Variants in HTT observed in about 807,000 individuals in gnomAD.
The protein encoded by HTT is huntington disease protein.
Under a neutral mutation model 362.3 loss-of-function variants are expected in HTT, and 104 were observed. The observed-to-expected ratio is 0.29, with a 90% CI of 0.24 to 0.34. The LOEUF (loss-of-function observed/expected upper bound fraction) is 0.34. HTT is among the 10% of genes least tolerant of loss of function. The pLI is 1.00. For synonymous variants in HTT, 1,577 were observed against 1,548.7 expected (o/e 1.02, Z -0.43); for missense variants, 3,301 against 3,928.6 (o/e 0.84, Z 4.27).
intron 12 of HTT, chr4:3,128,875 C>T (rs191594367): frequency 6.6e-6 from 1 of 152,216 alleles, no homozygotes; most frequent in Non-Finnish European, 1.5e-5. Context: ...TACCACCCAT[C>T]TCTGTAACCT....
intron 36 of HTT, among the ~76,000 whole-genome samples, chr4:3,181,196 A>G (rs1718509813): frequency 6.6e-6 from 1 of 152,074 alleles, no homozygotes; most frequent in Non-Finnish European, 1.5e-5. Flanking sequence ...GTTTATCTTT[A>G]AAGTGGGCAC....
At chr4:3,190,356 A>C (rs1379130978) in intron 40 of HTT, among the ~76,000 whole-genome samples, 1 of 101,202 alleles carries the variant, frequency 9.9e-6, no homozygotes, top group Admixed American at 8.7e-5. Flanking sequence ...AAAAAAATCC[A>C]AAAAAAAAAA....
At chr4:3,167,320 C>G (rs1023364162) in intron 29 of HTT, among the ~76,000 whole-genome samples, 3 of 152,190 alleles carry the variant, frequency 2.0e-5, no homozygotes, top group African/African-American at 7.2e-5. Context: ...ATCCACCCAC[C>G]TCAGCCTCCT....
intron 28 of HTT, among the ~76,000 whole-genome samples, chr4:3,159,935 G>A (rs1304370246): frequency 6.6e-6 from 1 of 152,136 alleles, no homozygotes; most frequent in African/African-American, 2.4e-5. Context: ...ATAGGACTTA[G>A]TATTTTCTAT....
In HTT at chr4:3,179,256, G is replaced by C. The variant is rs149112441; in HGVS notation, c.4612+810G>C. 1.7e-3 allele frequency among the ~76,000 whole-genome samples: 255 copies of C among 152,318 alleles called. 2 individuals are homozygous for C. The highest frequency in any genetic ancestry group is 3.0e-3 in the Admixed American group (46 of 15,304). ...TGTTTACATAGCTAAGCCAGTTAGT[G>C]TTTGCCACGGCCTCACAAGGGCTTC... is the stretch of plus-strand genomic sequence containing the variant. On this transcript the variant is annotated intron_variant, in intron 35 of 66. Transcript: ENST00000355072.
In HTT at chr4:3,074,758, C is replaced by G. The variant is rs1373709631; in HGVS notation, c.-68C>G. 9 of 1,469,992 alleles carry G rather than the reference C, an allele frequency of 6.1e-6. No individual in the cohort carries two copies. Among genetic ancestry groups the G allele is most frequent in the African/African-American group, 1.5e-5 (1 of 68,478 alleles). The allele number at this position is 1,469,992 out of a possible 1,614,324, so 91.1% of individuals were successfully genotyped here. On this transcript the variant is annotated 5_prime_UTR_variant, in exon 1 of 67. Coordinates refer to ENST00000355072, the MANE Select transcript of HTT (RefSeq NM_001388492.1). ...CGGCCCAGAGCCCCATTCATTGCCC[C>G]GGTGCTGAGCGGCGCCGCGAGTCGG...
intron 26 of HTT, among the ~76,000 whole-genome samples, chr4:3,149,357 G>T (rs1001611167): frequency 1.8e-4 from 27 of 148,454 alleles, no homozygotes; most frequent in Non-Finnish European, 3.6e-4. Flanking sequence ...GAGTGCAATG[G>T]TGTGATCTCA....
rs1352962138 is a variant in HTT, at chr4:3,218,385, C to T, written c.7242+433C>T. Reference sequence around the variant, plus strand: ...CAGTAGCTCATGCCTGTAATCCCAGCACTTTGGGAAGCCAAGGTGGGCGGA... The same window carrying T: ...CAGTAGCTCATGCCTGTAATCCCAGTACTTTGGGAAGCCAAGGTGGGCGGA... On this transcript the variant is annotated intron_variant, in intron 52 of 66. Coordinates refer to ENST00000355072, the MANE Select transcript of HTT (RefSeq NM_001388492.1). The surrounding 1 kb of genome is among the most constrained non-coding windows in gnomAD (Gnocchi z 4.4). Among the ~76,000 whole-genome samples the T allele has an allele frequency of 6.6e-6, 1 of 152,206 alleles. No individual in the cohort carries two copies. The highest frequency in any genetic ancestry group is 1.5e-5 in the Non-Finnish European group (1 of 68,040).
In HTT at chr4:3,213,990, C is replaced by A. The variant is rs1361495123; in HGVS notation, c.6807C>A (p.Ile2269=). 2.5e-6 allele frequency: 4 copies of A among 1,595,064 alleles called. No homozygotes were observed. Among genetic ancestry groups the A allele is most frequent in the Non-Finnish European group, 3.4e-6 (4 of 1,168,640 alleles). The part of the protein sequence containing the change: ...ALSWHLIHEQ[I]PLSLDLQAGL... ...CCTGGCATTTGATCCATGAGCAGAT[C>A]CCGCTGAGTCTGGATCTCCAGGCAG... The change falls in exon 50 of 67, where the codon ATC becomes ATA. Residue 2269 remains isoleucine (I), a synonymous_variant. Coordinates refer to ENST00000355072, the MANE Select transcript of HTT (RefSeq NM_001388492.1).
In HTT at chr4:3,142,767, A is replaced by T; in HGVS notation, c.2947A>T (p.Ile983Leu). Reference sequence around the variant, plus strand: ...AAGTCTCTATATTTTTGTTATTAGAATATATAGAGGCTATAACCTACTACC... The same window carrying T: ...AAGTCTCTATATTTTTGTTATTAGATTATATAGAGGCTATAACCTACTACC... ...SHFSVSTITR[I>L]YRGYNLLPSI... Residue 983 changes from isoleucine to leucine, a missense_variant and splice_region_variant, in exon 23 of 67, where the codon ATA (isoleucine) becomes TTA (leucine). Transcript: ENST00000355072. 1 of 1,465,464 alleles carries T rather than the reference A, an allele frequency of 6.8e-7. No individual in the cohort carries two copies. 90.8% of individuals were successfully genotyped at this position (1,465,464 alleles called of 1,614,324 possible).
At chr4:3,210,995 T>C (rs1390725462) in intron 47 of HTT, among the ~76,000 whole-genome samples, 1 of 145,612 alleles carries the variant, frequency 6.9e-6, no homozygotes, top group Non-Finnish European at 1.5e-5. Context: ...CTCCGCCTCC[T>C]GGGTTCATAC....
At chr4:3,112,966 A>T in intron 6 of HTT, 1 of 832,562 alleles carries the variant, frequency 1.2e-6, no homozygotes, top group Non-Finnish European at 1.4e-6. Context: ...GAATCACATT[A>T]TGATTTTAAT....
At chr4:3,188,678 G>A (rs1046814469) in intron 39 of HTT, 1 of 270,364 alleles carries the variant, frequency 3.7e-6, no homozygotes, top group Non-Finnish European at 6.9e-6. Flanking sequence ...AAATTCCTGT[G>A]ACAGATGATC....
chr4:3,134,481 C>G lies in HTT; in HGVS notation c.2574C>G (p.Asn858Lys). 1 of 1,614,030 alleles carries G rather than the reference C, an allele frequency of 6.2e-7. No individual in the cohort carries two copies. The change falls in exon 19 of 67, where the codon AAC (asparagine) becomes AAG (lysine). Residue 858 changes from asparagine (N) to lysine (K), a missense_variant. This residue lies in a region of HTT where 2,316 missense variants were observed against 2,658.5 expected (regional missense o/e 0.87). Transcript: ENST00000355072. ...TCATCGATGTGCTGACTCTGAGGAA[C>G]AGTTCCTATTGGCTGGTGAGGACAG... ...QLIIDVLTLR[N>K]SSYWLVRTEL...
intron 2 of HTT, among the ~76,000 whole-genome samples, chr4:3,094,743 G>T (rs1043690510): frequency 1.3e-5 from 2 of 150,774 alleles, no homozygotes; most frequent in African/African-American, 4.9e-5. Context: ...AGCGGCTGCC[G>T]GGCGGAGGGG....
rs375304131 is a variant in HTT, at chr4:3,131,411, G to A, written c.2098+14G>A. Reference sequence around the variant, plus strand: ...GGGGAAAAAATGGTGAGTACAAAAGGGGATGTGCACAGTTGAAGGAAATAA... The same window carrying A: ...GGGGAAAAAATGGTGAGTACAAAAGAGGATGTGCACAGTTGAAGGAAATAA... On this transcript the variant is annotated intron_variant, in intron 15 of 66. Coordinates refer to ENST00000355072, the MANE Select transcript of HTT (RefSeq NM_001388492.1). 11 of 1,588,548 alleles carry A rather than the reference G, an allele frequency of 6.9e-6. No individual in the cohort carries two copies. The highest frequency in any genetic ancestry group is 2.7e-5 in the African/African-American group (2 of 74,404).
chr4:3,212,127 T>C lies in HTT; in HGVS notation c.6613T>C (p.Leu2205=), dbSNP rs1229776289. 8.7e-6 allele frequency: 14 copies of C among 1,612,558 alleles called. No homozygotes were observed. The African/African-American group carries it at 9.3e-5, about 11-fold the overall frequency. ...AGAGCCGGCGGCCTACTGGAGCAAG[T>C]TGAATGATCTGTTTGGTAATTAAAA... ...PAEPAAYWSK[L]NDLFGDAALY... The change falls in exon 48 of 67, where the codon TTG becomes CTG. Residue 2205 remains leucine (L), a synonymous_variant. Coordinates refer to ENST00000355072, the MANE Select transcript of HTT (RefSeq NM_001388492.1).
intron 21 of HTT, among the ~76,000 whole-genome samples, chr4:3,138,942 T>C (rs1360171956): frequency 6.6e-6 from 1 of 152,154 alleles, no homozygotes; most frequent in East Asian, 1.9e-4. Context: ...ACTTACCTTC[T>C]TTTGAAAGTA....
chr4:3,079,044 C>T (rs941556238), intron 1 of HTT, among the ~76,000 whole-genome samples: 1 of 152,128 alleles, frequency 6.6e-6, no homozygotes, highest in African/African-American at 2.4e-5. Context: ...AGCCACTGTG[C>T]CCGGCCACGC....
Sources: gnomAD v4.1 joint callset for allele counts (sites outside exome capture counted in the v4.1 genomes callset) on GRCh38, gnomAD v4.1.1 for gene constraint, gnomAD v4.1.1 regional missense constraint, Gnocchi (gnomAD v3.1) non-coding constraint, MANE v1.5 for transcripts, NCBI Gene and HGNC (gene_info 2026-07-23, HGNC 2026-07-21) for gene names.